The following UVRAG variants were observed in gnomAD, a reference collection of about 807,000 sequenced individuals.
UVRAG encodes the protein UV radiation resistance-associated gene protein.
In UVRAG, 19 loss-of-function variants were observed where a neutral mutation model predicts 78.0. The ratio of observed to expected loss-of-function variants is 0.24; its 90% CI spans 0.17 to 0.36. UVRAG has a LOEUF of 0.36. Among genes scored for constraint, UVRAG ranks in the 10% least tolerant of loss-of-function variants. The pLI, the probability that UVRAG is intolerant of heterozygous loss-of-function variation, is 1.00. For synonymous variants in UVRAG, 323 were observed against 324.6 expected (o/e 1.00, Z 0.05); for missense variants, 740 against 853.8 (o/e 0.87, Z 1.66).
At chr11:76,054,030 G>T (rs1422143931) in intron 12 of UVRAG, among the ~76,000 whole-genome samples, 1 of 151,728 alleles carries the variant, frequency 6.6e-6, no homozygotes. Context: ...TATAGGTTTG[G>T]TTTTCTTGTG....
At chr11:75,836,097 TAAAAA>T (rs1178391423) in intron 1 of UVRAG, among the ~76,000 whole-genome samples, 1 of 143,234 alleles carries the variant, frequency 7.0e-6, no homozygotes, top group African/African-American at 2.6e-5. Flanking sequence ...GACTCTGTCT[TAAAAA>T]AAAAAACAAA....
chr11:76,017,183 C>T (rs1950164148), intron 12 of UVRAG, among the ~76,000 whole-genome samples: 1 of 152,032 alleles, frequency 6.6e-6, no homozygotes, highest in African/African-American at 2.4e-5. Context: ...CCTGGGCTTC[C>T]AAGAATTGCT....
chr11:75,828,722 T>C (rs1187983717), intron 1 of UVRAG, among the ~76,000 whole-genome samples: 6 of 121,864 alleles, frequency 4.9e-5, no homozygotes, highest in African/African-American at 8.1e-5. Context: ...TGTATATATA[T>C]GTGTGTGTGT....
chr11:75,826,502 T>C (rs985310171), intron 1 of UVRAG, among the ~76,000 whole-genome samples: 3 of 152,206 alleles, frequency 2.0e-5, no homozygotes, highest in African/African-American at 4.8e-5. Flanking sequence ...CCTCACAGCT[T>C]TGGGGATTTT....
chr11:75,877,453 G>T (rs1946815888), intron 3 of UVRAG, among the ~76,000 whole-genome samples: 1 of 151,116 alleles, frequency 6.6e-6, no homozygotes, highest in Non-Finnish European at 1.5e-5. Flanking sequence ...TCACCTCCCG[G>T]ACGGGGGGTG....
chr11:76,037,834 A>G (rs977499214), intron 12 of UVRAG, among the ~76,000 whole-genome samples: 1 of 152,168 alleles, frequency 6.6e-6, no homozygotes, highest in Non-Finnish European at 1.5e-5. Context: ...GATTCCCATT[A>G]TCCTGGTGTA....
chr11:75,927,070 ATTT>A (rs534709272), intron 6 of UVRAG, among the ~76,000 whole-genome samples: 1 of 137,378 alleles, frequency 7.3e-6, no homozygotes. Context: ...TGGCAAAGGC[ATTT>A]TTTTTTTTTT....
intron 6 of UVRAG, among the ~76,000 whole-genome samples, chr11:75,936,330 A>G (rs1472297475): frequency 3.3e-5 from 5 of 152,196 alleles, no homozygotes; most frequent in Admixed American, 6.5e-5. Flanking sequence ...ATCTCTGTCC[A>G]CTAGTTTTAG....
At chr11:76,022,208 C>G (rs573698323) in intron 12 of UVRAG, among the ~76,000 whole-genome samples, 64 of 152,072 alleles carry the variant, frequency 4.2e-4, no homozygotes, top group African/African-American at 1.5e-3. Context: ...GTTTTGTGGC[C>G]TAATGTATTG....
At chr11:76,079,564 T>C (rs1204269461) in intron 13 of UVRAG, among the ~76,000 whole-genome samples, 2 of 152,156 alleles carry the variant, frequency 1.3e-5, no homozygotes, top group Admixed American at 1.3e-4. Flanking sequence ...TTAGAAAATA[T>C]TCAGAGATTT....
At chr11:75,835,532 C>T (rs1254369692) in intron 1 of UVRAG, among the ~76,000 whole-genome samples, 1 of 152,128 alleles carries the variant, frequency 6.6e-6, no homozygotes, top group Non-Finnish European at 1.5e-5. Flanking sequence ...GATATTTCCA[C>T]CTGCCTACTT....
intron 1 of UVRAG, 142 bp from the exon 2 acceptor site, chr11:75,851,741 T>C: frequency 1.5e-6 from 1 of 669,366 alleles, no homozygotes; most frequent in Non-Finnish European, 2.6e-6. Context: ...GAGGCATAAA[T>C]AAGAGACTGG....
chr11:76,126,238 G>T (rs527397848), intron 14 of UVRAG, among the ~76,000 whole-genome samples: 1 of 151,932 alleles, frequency 6.6e-6, no homozygotes, highest in Admixed American at 6.6e-5. Flanking sequence ...ACCATGCCCG[G>T]CCTGGCAGTC....
chr11:75,901,688 A>G (rs1947503600), intron 5 of UVRAG, among the ~76,000 whole-genome samples: 1 of 152,148 alleles, frequency 6.6e-6, no homozygotes, highest in African/African-American at 2.4e-5. Context: ...TTATAGTCAG[A>G]TTTATTTTTC....
intron 8 of UVRAG, among the ~76,000 whole-genome samples, chr11:75,995,587 G>A (rs1949692449): frequency 6.7e-6 from 1 of 150,036 alleles, no homozygotes; most frequent in Admixed American, 6.7e-5. Context: ...GTAAATTACT[G>A]TGTCCTTTTG....
At chr11:76,008,576 T>A (rs1435084267) in intron 10 of UVRAG, among the ~76,000 whole-genome samples, 1 of 152,170 alleles carries the variant, frequency 6.6e-6, no homozygotes, top group Non-Finnish European at 1.5e-5. Context: ...TTTACATGGC[T>A]TTTTCCTTGG....
chr11:75,944,194 C>T (rs1189141294), intron 6 of UVRAG, among the ~76,000 whole-genome samples: 1 of 152,132 alleles, frequency 6.6e-6, no homozygotes, highest in Non-Finnish European at 1.5e-5. Flanking sequence ...AGTTCCCTTG[C>T]ATACAGCTGT....
intron 8 of UVRAG, among the ~76,000 whole-genome samples, chr11:75,985,210 C>T (rs950561868): frequency 2.4e-4 from 22 of 91,068 alleles, no homozygotes; most frequent in Non-Finnish European, 5.0e-4. Flanking sequence ...TTGTATTTTT[C>T]GTTTTAGCCT....
rs189101581 is a variant in UVRAG at position 75,848,643 on chromosome 11, G to T, written c.118-3240G>T. Among the ~76,000 whole-genome samples the T allele has an allele frequency of 3.9e-3, 591 of 152,228 alleles. 7 individuals are homozygous for T. The highest frequency in any genetic ancestry group is 0.014 in the African/African-American group (561 of 41,526). ...TGCTTTGTAAGGCAGTCAATTCCAT[G>T]GTAATTGCATGTGTCATAAAGTTAT... On this transcript the variant is annotated intron_variant, in intron 1 of 14. Transcript: ENST00000356136.
Sources: allele counts gnomAD v4.1 joint callset (sites outside exome capture counted in the v4.1 genomes callset), GRCh38; gene constraint gnomAD v4.1.1; transcripts MANE v1.5; gene names NCBI Gene and HGNC (gene_info 2026-07-23, HGNC 2026-07-21).